Variants in BCAS3 observed in about 807,000 individuals in gnomAD.
The protein encoded by BCAS3 is BCAS4/BCAS3 fusion.
In BCAS3, 53 loss-of-function variants were observed where a neutral mutation model predicts 116.1. That is an observed-to-expected ratio of 0.46 (90% CI 0.37 to 0.57). The LOEUF is 0.57. BCAS3 is among the 20% of genes least tolerant of loss of function. BCAS3 has a pLI of 0.00. For synonymous variants in BCAS3, 391 were observed against 408.2 expected (o/e 0.96, Z 0.51); for missense variants, 917 against 1,165.4 (o/e 0.79, Z 3.10).
intron 22 of BCAS3, among the ~76,000 whole-genome samples, chr17:61,305,003 C>T (rs1294966296): frequency 6.6e-6 from 1 of 152,122 alleles, no homozygotes; most frequent in Non-Finnish European, 1.5e-5. Context: ...GTGATCCGCC[C>T]GCCTCGGCCT....
chr17:60,945,075 A>T (rs778569231), intron 13 of BCAS3, among the ~76,000 whole-genome samples: 9 of 152,102 alleles, frequency 5.9e-5, no homozygotes, highest in Non-Finnish European at 1.3e-4. Context: ...TGTACTGTAT[A>T]AAAAAACCCC....
chr17:60,730,212 G>T (rs1196718388), intron 5 of BCAS3, among the ~76,000 whole-genome samples: 2 of 152,164 alleles, frequency 1.3e-5, no homozygotes, highest in Non-Finnish European at 2.9e-5. Context: ...AAAGGTTAAA[G>T]TTGCCTTAAA....
chr17:61,169,297 CA>C (rs1189861597), intron 22 of BCAS3, among the ~76,000 whole-genome samples: 1 of 152,148 alleles, frequency 6.6e-6, no homozygotes, highest in Non-Finnish European at 1.5e-5. Flanking sequence ...TTAAGCTTAA[CA>C]GTTTTTGAGA....
At chr17:60,912,826 A>G (rs1230209025) in intron 12 of BCAS3, among the ~76,000 whole-genome samples, 1 of 151,802 alleles carries the variant, frequency 6.6e-6, no homozygotes, top group East Asian at 1.9e-4. Flanking sequence ...GGTAGTAACA[A>G]CTCTCCTCAA....
chr17:61,241,568 A>C lies in BCAS3; in HGVS notation c.2426-126759A>C, dbSNP rs937924931. ...CTACTAAAAAAAAATTACAAAAAAA[A>C]ATTAGCCGGCCGTGGTGGCGGGTGC... On this transcript the variant is annotated intron_variant, in intron 22 of 23. Coordinates refer to ENST00000407086, the MANE Select transcript of BCAS3 (RefSeq NM_017679.5). This position sits in a 1 kb window ranked among gnomAD's most constrained non-coding sequence, Gnocchi z 4.6. Among the ~76,000 whole-genome samples, 1 of 151,866 alleles carries C rather than the reference A, an allele frequency of 6.6e-6. No individual in the cohort carries two copies. The highest frequency in any genetic ancestry group is 1.5e-5 in the Non-Finnish European group (1 of 67,986).
chr17:60,849,736 G>T (rs530605314), intron 7 of BCAS3, among the ~76,000 whole-genome samples: 3 of 152,098 alleles, frequency 2.0e-5, no homozygotes, highest in African/African-American at 7.2e-5. Context: ...AAGTACAGTG[G>T]TCTTCTTTCT....
chr17:61,038,276 ATTT>A (rs1157013916), intron 18 of BCAS3, among the ~76,000 whole-genome samples: 7 of 136,700 alleles, frequency 5.1e-5, no homozygotes, highest in African/African-American at 1.4e-4. Flanking sequence ...AGTTTCTAGA[ATTT>A]TTTTTTTTTT....
At chr17:61,185,939 G>A (rs2144197044) in intron 22 of BCAS3, among the ~76,000 whole-genome samples, 2 of 152,116 alleles carry the variant, frequency 1.3e-5, no homozygotes, top group Middle Eastern at 6.8e-3. Context: ...TGAAAATACT[G>A]ACTAAGAAAA....
In BCAS3 at chr17:61,196,297, G is replaced by T. The variant is rs1198418976; in HGVS notation, c.2425+111733G>T. 6.6e-6 allele frequency among the ~76,000 whole-genome samples: 1 copy of T among 152,170 alleles called. No individual in the cohort carries two copies. Among genetic ancestry groups the T allele is most frequent in the Non-Finnish European group, 1.5e-5 (1 of 68,048 alleles). On this transcript the variant is annotated intron_variant, in intron 22 of 23. Transcript: ENST00000407086. This position sits in a 1 kb window ranked among gnomAD's most constrained non-coding sequence, Gnocchi z 4.7. ...CCCAAAGGGAAACACCGGTCCCTTG[G>T]ATTACACTGTGCATCCATTGTCTGA...
intron 5 of BCAS3, among the ~76,000 whole-genome samples, chr17:60,738,150 C>T (rs767115027): frequency 3.3e-5 from 5 of 152,202 alleles, no homozygotes; most frequent in South Asian, 2.1e-4. Flanking sequence ...GTGAATGTTC[C>T]ATGTCTGCCT....
At position 61,379,315 on chromosome 17, in the gene BCAS3, C is replaced by T. The variant is rs565068952; in HGVS notation, c.2593+10821C>T. 1 of 152,352 alleles carries T rather than the reference C, an allele frequency of 6.6e-6. No individual in the cohort carries two copies. Among genetic ancestry groups the T allele is most frequent in the South Asian group, 2.1e-4 (1 of 4,826 alleles). 9.4% of individuals were successfully genotyped at this position (152,352 alleles called of 1,614,324 possible). On this transcript the variant is annotated intron_variant, in intron 23 of 23. Transcript: ENST00000407086. This position sits in a 1 kb window ranked among gnomAD's most constrained non-coding sequence, Gnocchi z 5.5. ...GCCCTTGCCTCTGCCCCTCTGCCTT[C>T]TCGAAACATGGCCCGAGATGTGGAG... is the stretch of plus-strand genomic sequence containing the variant.
chr17:60,679,677 T>G (rs1021297327), intron 2 of BCAS3, 137 bp downstream of exon 2: 2 of 704,136 alleles, frequency 2.8e-6, no homozygotes, highest in African/African-American at 3.5e-5. Context: ...ATAATAATAA[T>G]TGCCAAGACC....
intron 22 of BCAS3, among the ~76,000 whole-genome samples, chr17:61,230,296 C>T (rs1296296672): frequency 6.6e-6 from 1 of 152,040 alleles, no homozygotes; most frequent in East Asian, 1.9e-4. Flanking sequence ...ATTATGTACC[C>T]CCCAGAAACA....
chr17:60,935,809 A>G (rs1331999677), intron 13 of BCAS3, among the ~76,000 whole-genome samples: 3 of 151,508 alleles, frequency 2.0e-5, no homozygotes, highest in Non-Finnish European at 4.4e-5. Context: ...TTTAAGTACT[A>G]TGATACATGG....
rs112281794 is a variant in BCAS3, at chr17:61,132,442, G to A, written c.2425+47878G>A. ...TGGTAGTCTCACTGTCTGTGGCCAT[G>A]TGAGCTATAATCTACTGCCCTGGTC... is the stretch of plus-strand genomic sequence containing the variant. On this transcript the variant is annotated intron_variant, in intron 22 of 23. Coordinates refer to ENST00000407086, the MANE Select transcript of BCAS3 (RefSeq NM_017679.5). This position sits in a 1 kb window ranked among gnomAD's most constrained non-coding sequence, Gnocchi z 5.1. 1.6e-3 allele frequency among the ~76,000 whole-genome samples: 244 copies of A among 152,338 alleles called. 1 individual carries two copies. The highest frequency in any genetic ancestry group is 5.1e-3 in the African/African-American group (211 of 41,576).
In BCAS3 at chr17:61,004,635, G is replaced by A. The variant is rs759743313; in HGVS notation, c.1487-11116G>A. 3.3e-5 allele frequency among the ~76,000 whole-genome samples: 5 copies of A among 152,136 alleles called. No homozygotes were observed. The highest frequency in any genetic ancestry group is 4.8e-5 in the African/African-American group (2 of 41,450). On this transcript the variant is annotated intron_variant, in intron 15 of 23. Coordinates refer to ENST00000407086, the MANE Select transcript of BCAS3 (RefSeq NM_017679.5). The surrounding 1 kb of genome is among the most constrained non-coding windows in gnomAD (Gnocchi z 4.8). Reference sequence around the variant, plus strand: ...GATTATGCACAGAAGTAGAAATTTTGATGGTTCTTACCATGATGAGGTAAA... The same window carrying A: ...GATTATGCACAGAAGTAGAAATTTTAATGGTTCTTACCATGATGAGGTAAA...
intron 23 of BCAS3, among the ~76,000 whole-genome samples, chr17:61,371,828 G>A (rs1748941927): frequency 6.6e-6 from 1 of 152,214 alleles, no homozygotes; most frequent in Admixed American, 6.5e-5. Context: ...GCCGAGGTCT[G>A]CATTTCAGCA....
intron 7 of BCAS3, among the ~76,000 whole-genome samples, chr17:60,837,348 A>G (rs973484857): frequency 6.6e-6 from 1 of 152,178 alleles, no homozygotes; most frequent in Admixed American, 6.5e-5. Context: ...TGATTCTTTC[A>G]GTTAAGCCAA....
chr17:61,261,190 G>A lies in BCAS3; in HGVS notation c.2426-107137G>A, dbSNP rs1356949759. ...TAAAAAGGGCCAACCCATTAGGGAA[G>A]TACCTCCCTGGGGAGCGGGTGGACA... On this transcript the variant is annotated intron_variant, in intron 22 of 23. Coordinates refer to ENST00000407086, the MANE Select transcript of BCAS3 (RefSeq NM_017679.5). This position sits in a 1 kb window ranked among gnomAD's most constrained non-coding sequence, Gnocchi z 4.4. Among the ~76,000 whole-genome samples, 1 of 152,198 alleles carries A rather than the reference G, an allele frequency of 6.6e-6. No homozygotes were observed. The highest frequency in any genetic ancestry group is 1.9e-4 in the East Asian group (1 of 5,196).
Sources: allele counts gnomAD v4.1 joint callset (sites outside exome capture counted in the v4.1 genomes callset), GRCh38; gene constraint gnomAD v4.1.1; non-coding constraint Gnocchi (gnomAD v3.1); transcripts MANE v1.5; gene names NCBI Gene and HGNC (gene_info 2026-07-23, HGNC 2026-07-21).